CLDN14: variants seen among roughly 807,000 people sequenced by gnomAD.
The protein encoded by CLDN14 is claudin-14.
A neutral mutation model predicts 2.1 loss-of-function variants in CLDN14; 2 were observed. The ratio of observed to expected loss-of-function variants is 0.96; its 90% confidence interval spans 0.39 to 3.01. The LOEUF is 3.01. Ranked by LOEUF, CLDN14 falls within the 30% of genes most tolerant of loss-of-function variation. The pLI, the probability that CLDN14 is intolerant of heterozygous loss-of-function variation, is 0.09. For missense variants in CLDN14, 298 were observed against 328.0 expected, an observed-to-expected ratio of 0.91 and a Z score of 0.71; for synonymous variants, 136 against 154.4, an observed-to-expected ratio of 0.88 and a Z score of 0.88.
intron 1 of CLDN14, among the ~76,000 whole-genome samples, chr21:36,474,773 A>C (rs926411979): frequency 2.0e-5 from 3 of 152,166 alleles, no homozygotes; most frequent in Non-Finnish European, 4.4e-5. Flanking sequence ...TTCAGCGAGG[A>C]GGGAAACATC....
At position 36,557,107 on chromosome 21, in the gene CLDN14, C is replaced by T. The variant is rs576119545; in HGVS notation, c.-220+19304G>A. On this transcript the variant is annotated intron_variant, in intron 1 of 2. Coordinates refer to the CLDN14 transcript ENST00000342108. ...TGGCCTCCAAATTTATCTATGTTGT[C>T]TCATATTGTAGAATTTCTTACTTTT... 3.9e-5 allele frequency among the ~76,000 whole-genome samples: 6 copies of T among 152,236 alleles called. No homozygotes were observed. The South Asian group carries it at 1.2e-3, about 32-fold the overall frequency.
At chr21:36,496,580 C>A (rs986434059) in intron 2 of CLDN14, among the ~76,000 whole-genome samples, 2 of 149,614 alleles carry the variant, frequency 1.3e-5, no homozygotes, top group African/African-American at 2.5e-5. Flanking sequence ...CCTGCTCCCC[C>A]TTCCTAGTCT....
chr21:36,464,977 C>T (rs1311075004), intron 1 of CLDN14, among the ~76,000 whole-genome samples: 1 of 152,186 alleles, frequency 6.6e-6, no homozygotes, highest in Admixed American at 6.5e-5. Flanking sequence ...AGAACAATGG[C>T]CTTGCCCCTT....
At chr21:36,548,720 C>A (rs965029596) in intron 1 of CLDN14, among the ~76,000 whole-genome samples, 2 of 152,090 alleles carry the variant, frequency 1.3e-5, no homozygotes, top group African/African-American at 2.4e-5. Context: ...CCAAAGGCAT[C>A]GATGACCCCC....
At chr21:36,501,411 A>G (rs1230008567) in intron 2 of CLDN14, among the ~76,000 whole-genome samples, 1 of 121,956 alleles carries the variant, frequency 8.2e-6, no homozygotes, top group Non-Finnish European at 1.6e-5. Context: ...TGTGAGTTGT[A>G]GAAACCAGGT....
At chr21:36,471,661 T>C (rs1431549687) in intron 1 of CLDN14, among the ~76,000 whole-genome samples, 2 of 152,232 alleles carry the variant, frequency 1.3e-5, no homozygotes, top group Non-Finnish European at 2.9e-5. Context: ...CCCACTAGGC[T>C]CCGCCTTTAG....
chr21:36,526,095 T>C (rs2087326778), intron 1 of CLDN14, among the ~76,000 whole-genome samples: 1 of 152,122 alleles, frequency 6.6e-6, no homozygotes, highest in African/African-American at 2.4e-5. Context: ...GAACCACAGA[T>C]TGGAATCCAC....
In CLDN14 at chr21:36,502,568, G is replaced by A. The variant is rs918250422; in HGVS notation, c.-82+7795C>T. Among the ~76,000 whole-genome samples, 14 of 152,308 alleles carry A rather than the reference G, an allele frequency of 9.2e-5. No homozygotes were observed. The South Asian group carries it at 2.9e-3, about 32-fold the overall frequency. On this transcript the variant is annotated intron_variant, in intron 2 of 2. Transcript: ENST00000342108. ...ACATCTTGTAAACTTTACAGCTACT[G>A]TTTTACACTTCATCAGCATTCCTGA...
intron 2 of CLDN14, among the ~76,000 whole-genome samples, chr21:36,504,026 T>C (rs1365493492): frequency 1.3e-5 from 2 of 148,608 alleles, no homozygotes; most frequent in Admixed American, 6.9e-5. Flanking sequence ...CTATCTAGTA[T>C]GTCACACCCT....
intron 1 of CLDN14, among the ~76,000 whole-genome samples, chr21:36,529,876 G>A (rs1429460651): frequency 6.6e-6 from 1 of 152,176 alleles, no homozygotes; most frequent in Non-Finnish European, 1.5e-5. Flanking sequence ...GAACAACGTA[G>A]TGCTGTGTAG....
At chr21:36,462,288 C>A (rs1352321879) in intron 1 of CLDN14, among the ~76,000 whole-genome samples, 1 of 152,170 alleles carries the variant, frequency 6.6e-6, no homozygotes, top group African/African-American at 2.4e-5. Context: ...TCAGATGCTG[C>A]CTTCAGAATT....
At chr21:36,495,668 C>CTA (rs887027039) in intron 2 of CLDN14, among the ~76,000 whole-genome samples, 3 of 152,242 alleles carry the variant, frequency 2.0e-5, no homozygotes, top group African/African-American at 7.2e-5. Context: ...GGCCCACAGG[C>CTA]TAAGAAGCAA....
intron 1 of CLDN14, among the ~76,000 whole-genome samples, chr21:36,559,140 G>C (rs1196302923): frequency 1.3e-5 from 2 of 151,538 alleles, no homozygotes; most frequent in African/African-American, 4.8e-5. Flanking sequence ...TTTATGTTTA[G>C]GTCATTTTTT....
chr21:36,566,225 T>A (rs1382307583), intron 1 of CLDN14, among the ~76,000 whole-genome samples: 2 of 152,230 alleles, frequency 1.3e-5, no homozygotes, highest in African/African-American at 4.8e-5. Context: ...TGTAATAATA[T>A]AACCACTAAT....
chr21:36,538,362 T>C (rs9305593), intron 1 of CLDN14, among the ~76,000 whole-genome samples: 72,604 of 151,616 alleles, frequency 0.48, 19,461 homozygotes, highest in Middle Eastern at 0.62. Context: ...TAGGACGGGT[T>C]GCAGAACTGC....
At position 36,537,651 on chromosome 21, in the gene CLDN14, C is replaced by CTTTT. The variant is rs371651908; in HGVS notation, c.-219-27155_-219-27152dup. Reference sequence around the variant, plus strand: ...CTTCTTTTTTCTTTGTTTTTCTTTTCTTTTCTTTTTTTTTTTGAGACGGAG... The same window carrying CTTTT: ...CTTCTTTTTTCTTTGTTTTTCTTTTCTTTTTTTTCTTTTTTTTTTTGAGACGGAG... On this transcript the variant is annotated intron_variant, in intron 1 of 2. Transcript: ENST00000342108. Among the ~76,000 whole-genome samples, 376 of 143,606 alleles carry CTTTT rather than the reference C, an allele frequency of 2.6e-3. 21 individuals carry two copies. Among genetic ancestry groups the CTTTT allele is most frequent in the Middle Eastern group, 3.7e-3 (1 of 268 alleles). 94.2% of individuals were successfully genotyped at this position (143,606 alleles called of 152,430 possible). A position where few individuals can be genotyped will look rare whatever the true frequency, so the allele number is the denominator to read the frequency against.
At chr21:36,511,719 A>G (rs2087188423) in intron 1 of CLDN14, among the ~76,000 whole-genome samples, 1 of 152,068 alleles carries the variant, frequency 6.6e-6, no homozygotes, top group Non-Finnish European at 1.5e-5. Flanking sequence ...TCAGATGTAC[A>G]AGAAGCCACA....
Position 36,574,343 on chromosome 21 carries a change from C to T in CLDN14, c.-220+2068G>A, listed in dbSNP as rs114220585. On this transcript the variant is annotated intron_variant, in intron 1 of 2. Coordinates refer to the CLDN14 transcript ENST00000342108. ...ATAAATTTTGCTAGAACTAGGTATG[C>T]CTTATTCATACAATGGAATACTATA... 5.3e-3 allele frequency among the ~76,000 whole-genome samples: 809 copies of T among 152,222 alleles called. 11 individuals carry two copies. The highest frequency in any genetic ancestry group is 0.019 in the African/African-American group (783 of 41,534).
At chr21:36,513,873 T>TC (rs60521225) in intron 1 of CLDN14, among the ~76,000 whole-genome samples, 13,708 of 152,100 alleles carry the variant, frequency 0.09, 1,516 homozygotes, top group African/African-American at 0.27. Flanking sequence ...ACTTTTTCGC[T>TC]CAGGCTGGGG....
Sources: gnomAD v4.1 joint callset for allele counts (sites outside exome capture counted in the v4.1 genomes callset) on GRCh38, gnomAD v4.1.1 for gene constraint, MANE v1.5 for transcripts, NCBI Gene and HGNC (gene_info 2026-07-23, HGNC 2026-07-21) for gene names.